The following TGFBI variants were observed in gnomAD, a reference collection of about 807,000 sequenced individuals.
The protein encoded by TGFBI is transforming growth factor beta induced.
Under a neutral mutation model 73.7 loss-of-function variants are expected in TGFBI, and 50 were observed. The observed-to-expected ratio is 0.68, with a 90% CI of 0.54 to 0.86. The LOEUF is 0.86. Ranked by LOEUF, TGFBI falls within the 40% of genes least tolerant of loss-of-function variation. The pLI is 0.00. For synonymous variants in TGFBI, 362 were observed against 360.5 expected, an observed-to-expected ratio of 1.00 and a Z score of -0.05; for missense variants, 839 against 877.0, an observed-to-expected ratio of 0.96 and a Z score of 0.55.
chr5:136,054,086 A>G lies in TGFBI; in HGVS notation c.1264+6A>G. On this transcript the variant is annotated splice_donor_region_variant and intron_variant, in intron 9 of 16. Coordinates refer to ENST00000442011, the MANE Select transcript of TGFBI (RefSeq NM_000358.3). ...CCTGAATTCTGTATTCAAAGGTAAC[A>G]TGGGGAAGGCATCCCTGTTAGATTG... The G allele has an allele frequency of 6.2e-7, 1 of 1,611,486 alleles. No individual in the cohort carries two copies. Among genetic ancestry groups the G allele is most frequent in the Non-Finnish European group, 8.5e-7 (1 of 1,177,802 alleles).
At chr5:136,030,275 AC>A (rs1398112770) in intron 1 of TGFBI, among the ~76,000 whole-genome samples, 1 of 151,914 alleles carries the variant, frequency 6.6e-6, no homozygotes, top group Non-Finnish European at 1.5e-5. Flanking sequence ...TCAAATCAAA[AC>A]TCATTGTTGG....
intron 14 of TGFBI, 23 bp from the exon 15 acceptor site, chr5:136,061,477 C>A (rs767800371): frequency 1.2e-4 from 181 of 1,573,426 alleles, no homozygotes; most frequent in Non-Finnish European, 4.3e-6. Flanking sequence ...TCTGGTCAAA[C>A]CTGCCTTTTC....
intron 7 of TGFBI, 69 bp downstream of exon 7, chr5:136,049,649 T>A: frequency 6.5e-7 from 1 of 1,540,706 alleles, no homozygotes; most frequent in Non-Finnish European, 8.8e-7. Flanking sequence ...CCTGCTCTGG[T>A]CCAAGATGAA....
chr5:136,045,466 A>G (rs1751411617), intron 3 of TGFBI, among the ~76,000 whole-genome samples: 1 of 152,192 alleles, frequency 6.6e-6, no homozygotes, highest in East Asian at 1.9e-4. Flanking sequence ...AATCGCTTGT[A>G]TCCAGGAGGC....
chr5:136,046,782 A>G, intron 4 of TGFBI, 69 bp from the exon 5 acceptor site: 1 of 1,530,820 alleles, frequency 6.5e-7, no homozygotes, highest in Middle Eastern at 2.2e-4. Flanking sequence ...TGTTTCCCAG[A>G]GTTGCAAGGA....
intron 3 of TGFBI, chr5:136,045,012 G>A (rs1014583324): frequency 3.9e-5 from 6 of 151,972 alleles, no homozygotes; most frequent in African/African-American, 4.8e-5. Flanking sequence ...ATCTTTTATT[G>A]TATTTCAAAA....
At chr5:136,059,289 T>C in intron 13 of TGFBI, 75 bp downstream of exon 13, 5 of 1,566,100 alleles carry the variant, frequency 3.2e-6, no homozygotes, top group Non-Finnish European at 2.6e-6. Context: ...ACCCCCAGGA[T>C]GGAATTATAC....
At position 136,063,185 on chromosome 5, in the gene TGFBI, G is replaced by T. The variant is rs1447106322; in HGVS notation, c.2012-1G>T. 1 of 1,613,574 alleles carries T rather than the reference G, an allele frequency of 6.2e-7. No homozygotes were observed. Among genetic ancestry groups the T allele is most frequent in the Non-Finnish European group, 8.5e-7 (1 of 1,179,586 alleles). On this transcript the variant is annotated splice_acceptor_variant, in intron 16 of 16. Coordinates refer to ENST00000442011, the MANE Select transcript of TGFBI (RefSeq NM_000358.3). LOFTEE classifies it high-confidence loss of function. ...TGACGTTACCAACTTCTCTTTTTCAGCCCCTGTCTATCAAAAGTTATTAGA... is the reference window on the plus strand; with the variant it reads ...TGACGTTACCAACTTCTCTTTTTCATCCCCTGTCTATCAAAAGTTATTAGA...
intron 14 of TGFBI, 125 bp from the exon 15 acceptor site, chr5:136,061,375 A>G: frequency 4.1e-6 from 3 of 728,364 alleles, no homozygotes; most frequent in East Asian, 2.7e-5. Flanking sequence ...ATGAAACATT[A>G]TGGAGAAAAC....
At chr5:136,062,157 C>T (rs963889162) in intron 15 of TGFBI, among the ~76,000 whole-genome samples, 15 of 152,290 alleles carry the variant, frequency 9.8e-5, no homozygotes, top group East Asian at 3.9e-4. Context: ...CTCAGTGCCC[C>T]ACTTGGCTCT....
Position 136,062,689 on chromosome 5 carries a change from T to C in TGFBI, c.2011+2T>C. 6.4e-7 allele frequency: 1 copy of C among 1,567,762 alleles called. No homozygotes were observed. On this transcript the variant is annotated splice_donor_variant, in intron 16 of 16. Coordinates refer to ENST00000442011, the MANE Select transcript of TGFBI (RefSeq NM_000358.3). LOFTEE classifies it high-confidence loss of function. ...CTTCCCAGAGGTCTGTGCGACTAGG[T>C]GAGTCTGGTCTGGGTTTGAAGTCAT...
At chr5:136,044,416 C>T (rs576822985) in intron 3 of TGFBI, among the ~76,000 whole-genome samples, 2 of 152,396 alleles carry the variant, frequency 1.3e-5, no homozygotes, top group East Asian at 3.9e-4. Context: ...GGCTCAGGCT[C>T]TTGGCCTCTG....
chr5:136,046,111 C>A, intron 3 of TGFBI: 1 of 463,502 alleles, frequency 2.2e-6, no homozygotes, highest in Non-Finnish European at 3.8e-6. Context: ...TTAAAAATCA[C>A]CAATTAGTTG....
chr5:136,047,450 G>T (rs751578719), intron 6 of TGFBI, 30 bp downstream of exon 6: 1 of 1,612,602 alleles, frequency 6.2e-7, no homozygotes, highest in South Asian at 1.1e-5. Flanking sequence ...GGAGGCCCAG[G>T]CTTGGGACAC....
chr5:136,059,551 AC>A (rs1249761956), intron 13 of TGFBI, among the ~76,000 whole-genome samples: 1 of 151,904 alleles, frequency 6.6e-6, no homozygotes, highest in Admixed American at 6.6e-5. Flanking sequence ...ACACCATCCC[AC>A]CCCCCAAACC....
intron 11 of TGFBI, chr5:136,056,397 C>A: frequency 2.3e-6 from 1 of 426,886 alleles, no homozygotes; most frequent in Non-Finnish European, 4.3e-6. Context: ...TACCTCTGCC[C>A]TTTCTTTTCC....
intron 4 of TGFBI, 80 bp from the exon 5 acceptor site, chr5:136,046,771 A>G (rs2126909229): frequency 6.7e-7 from 1 of 1,503,266 alleles, no homozygotes; most frequent in South Asian, 1.3e-5. Flanking sequence ...GGCTGAGAAC[A>G]TGTTTCCCAG....
At chr5:136,038,512 G>C (rs6596279) in intron 2 of TGFBI, among the ~76,000 whole-genome samples, 144,385 of 151,982 alleles carry the variant, frequency 0.95, 68,770 homozygotes, top group East Asian at 1. Flanking sequence ...GACAGGAGTT[G>C]GAGACCAGCC....
Position 136,052,888 on chromosome 5 carries a change from G to A in TGFBI, c.914-19G>A. The A allele has an allele frequency of 6.2e-7, 1 of 1,611,438 alleles. No homozygotes were observed. The highest frequency in any genetic ancestry group is 8.5e-7 in the Non-Finnish European group (1 of 1,177,864). On this transcript the variant is annotated intron_variant, in intron 7 of 16. Transcript: ENST00000442011. ...CGTGGAGTGGACCCTGACTTGACCT[G>A]AGTCTGTTTGGACCCCAGACCTGCT...
Sources: gnomAD v4.1 joint callset for allele counts (sites outside exome capture counted in the v4.1 genomes callset) on GRCh38, gnomAD v4.1.1 for gene constraint, MANE v1.5 for transcripts, NCBI Gene and HGNC (gene_info 2026-07-23, HGNC 2026-07-21) for gene names.